The following RPS6KC1 variants were observed in gnomAD, a reference collection of about 807,000 sequenced individuals.
RPS6KC1 encodes ribosomal protein S6 kinase C1, also known as inactive ribosomal protein S6 kinase delta-1.
Under a neutral mutation model 103.8 loss-of-function variants are expected in RPS6KC1, and 54 were observed. The ratio of observed to expected loss-of-function variants is 0.52; its 90% CI spans 0.42 to 0.65. The LOEUF is 0.65. Ranked by LOEUF, RPS6KC1 falls within the 30% of genes least tolerant of loss-of-function variation. RPS6KC1 has a pLI of 0.00. For missense variants in RPS6KC1, 1,151 were observed against 1,253.8 expected (o/e 0.92, Z 1.24); for synonymous variants, 439 against 438.7 (o/e 1.00, Z -0.01).
the RPS6KC1 span, among the ~76,000 whole-genome samples, chr1:213,443,961 T>C: frequency 6.6e-6 from 1 of 152,118 alleles, no homozygotes; most frequent in Non-Finnish European, 1.5e-5. Flanking sequence ...TAACAAAGTA[T>C]CACAAACGAG....
At chr1:213,720,096 A>G in the RPS6KC1 span, among the ~76,000 whole-genome samples, 1 of 152,172 alleles carries the variant, frequency 6.6e-6, no homozygotes, top group Non-Finnish European at 1.5e-5. Context: ...CATATTTCCT[A>G]TATGATCCTC....
the RPS6KC1 span, among the ~76,000 whole-genome samples, chr1:213,764,754 A>G: frequency 1.1e-4 from 17 of 152,152 alleles, no homozygotes; most frequent in Non-Finnish European, 1.3e-4. Context: ...CATATCCTGG[A>G]GCAAGCAAGT....
chr1:213,630,873 G>A, the RPS6KC1 span, among the ~76,000 whole-genome samples: 7 of 152,192 alleles, frequency 4.6e-5, no homozygotes, highest in South Asian at 6.2e-4. Context: ...TATAAGCAGC[G>A]GAGGCTGCAG....
chr1:213,241,093 G>T lies in RPS6KC1; in HGVS notation c.1617G>T (p.Gly539=), dbSNP rs1412053869. The stretch of plus-strand genomic sequence containing the variant: ...AGGAGCCCTTCATGAAGACTGAAGG[G>T]AATGGTGTTGATACAAAAGCTATTA... ...LNEEPFMKTE[G]NGVDTKAIKS... Residue 539 remains glycine (G), a synonymous_variant, in exon 11 of 15, where the codon GGG becomes GGT. Coordinates refer to ENST00000366960, the MANE Select transcript of RPS6KC1 (RefSeq NM_012424.6). The T allele has an allele frequency of 6.2e-7, 1 of 1,613,588 alleles. No individual in the cohort carries two copies. Among genetic ancestry groups the T allele is most frequent in the Admixed American group, 1.7e-5 (1 of 59,922 alleles).
chr1:213,815,498 GA>G, the RPS6KC1 span, among the ~76,000 whole-genome samples: 9 of 152,154 alleles, frequency 5.9e-5, no homozygotes, highest in African/African-American at 1.9e-4. Context: ...TGACCATTAT[GA>G]AACATGTAGA....
chr1:213,191,014 G>A (rs2092724749), intron 8 of RPS6KC1, among the ~76,000 whole-genome samples: 1 of 152,052 alleles, frequency 6.6e-6, no homozygotes, highest in African/African-American at 2.4e-5. Flanking sequence ...TTGTGTCTGT[G>A]TTTATGCCAG....
chr1:213,069,401 T>C (rs536979604), intron 1 of RPS6KC1, among the ~76,000 whole-genome samples: 2 of 152,334 alleles, frequency 1.3e-5, no homozygotes, highest in African/African-American at 4.8e-5. Flanking sequence ...ATTATAGAGT[T>C]CTTGCTGTGT....
the RPS6KC1 span, among the ~76,000 whole-genome samples, chr1:213,805,774 T>C: frequency 2.0e-5 from 3 of 152,244 alleles, no homozygotes; most frequent in African/African-American, 4.8e-5. Context: ...AGGATTTTAA[T>C]TGACTTTGGC....
At chr1:213,175,848 A>C (rs2091831130) in intron 7 of RPS6KC1, among the ~76,000 whole-genome samples, 1 of 152,186 alleles carries the variant, frequency 6.6e-6, no homozygotes, top group South Asian at 2.1e-4. Context: ...AATTATTGGT[A>C]ATTTTTCTGG....
At chr1:213,639,854 G>GT in the RPS6KC1 span, among the ~76,000 whole-genome samples, 319 of 147,368 alleles carry the variant, frequency 2.2e-3, 1 homozygote, top group Middle Eastern at 7.1e-3. Context: ...TTGGTCTATA[G>GT]TTTTTTTTTT....
At chr1:213,381,744 T>A in the RPS6KC1 span, among the ~76,000 whole-genome samples, 3,885 of 152,220 alleles carry the variant, frequency 0.026, 110 homozygotes, top group Non-Finnish European at 0.036. Context: ...CAGCACTGCC[T>A]CGCTGCTGCT....
intron 8 of RPS6KC1, among the ~76,000 whole-genome samples, chr1:213,200,971 G>A (rs2093141458): frequency 6.6e-6 from 1 of 152,144 alleles, no homozygotes; most frequent in Non-Finnish European, 1.5e-5. Flanking sequence ...GCCTGTCAGA[G>A]GGTGGCGGGT....
At chr1:213,096,597 G>T (rs138258218) in intron 3 of RPS6KC1, among the ~76,000 whole-genome samples, 1 of 151,960 alleles carries the variant, frequency 6.6e-6, no homozygotes, top group African/African-American at 2.4e-5. Context: ...CCCGGGAGGC[G>T]GAGGTTGCAG....
chr1:213,627,634 G>A, the RPS6KC1 span, among the ~76,000 whole-genome samples: 1 of 152,114 alleles, frequency 6.6e-6, no homozygotes, highest in Non-Finnish European at 1.5e-5. Flanking sequence ...TAGCATGAAG[G>A]GCTGTTGAAT....
At chr1:213,573,967 A>T in the RPS6KC1 span, among the ~76,000 whole-genome samples, 1 of 152,216 alleles carries the variant, frequency 6.6e-6, no homozygotes, top group East Asian at 1.9e-4. Flanking sequence ...ACAGCAGACC[A>T]ATGGCTGATA....
the RPS6KC1 span, among the ~76,000 whole-genome samples, chr1:213,419,498 G>A: frequency 6.6e-6 from 1 of 152,186 alleles, no homozygotes; most frequent in Admixed American, 6.5e-5. Flanking sequence ...AGGAACCTGA[G>A]AGGCAGAGAG....
At chr1:213,749,642 G>T in the RPS6KC1 span, among the ~76,000 whole-genome samples, 2 of 152,106 alleles carry the variant, frequency 1.3e-5, no homozygotes, top group Non-Finnish European at 2.9e-5. Flanking sequence ...AGAGCACCTC[G>T]GGGAGCACCT....
chr1:213,273,503 TC>T lies in RPS6KC1; in HGVS notation c.*871del, dbSNP rs1300775969. On this transcript the variant is annotated 3_prime_UTR_variant, in exon 15 of 15. Transcript: ENST00000366960. ...ATTTAATAACCCTCCCCCCTTTTTTTCCTTGAAGAAATGCGTCTGTTCCTTT... is the reference window on the plus strand; with the variant it reads ...ATTTAATAACCCTCCCCCCTTTTTTTCTTGAAGAAATGCGTCTGTTCCTTT... The T allele has an allele frequency of 6.6e-6, 1 of 152,636 alleles. No individual in the cohort carries two copies. The highest frequency in any genetic ancestry group is 1.5e-5 in the Non-Finnish European group (1 of 68,042). The allele number at this position is 152,636 out of a possible 1,614,324, so 9.5% of individuals were successfully genotyped here.
the RPS6KC1 span, among the ~76,000 whole-genome samples, chr1:213,828,098 C>T: frequency 5.3e-5 from 8 of 152,136 alleles, no homozygotes; most frequent in Non-Finnish European, 1.2e-4. Context: ...AGTCATCAAA[C>T]GCTGTTGATG....
Sources: gnomAD v4.1 joint callset for allele counts (sites outside exome capture counted in the v4.1 genomes callset) on GRCh38, gnomAD v4.1.1 for gene constraint, MANE v1.5 for transcripts, NCBI Gene and HGNC (gene_info 2026-07-23, HGNC 2026-07-21) for gene names.